The following ENTPD5 variants were observed in gnomAD, a reference collection of about 807,000 sequenced individuals.
ENTPD5 encodes ectonucleoside triphosphate diphosphohydrolase 5 (inactive), also known as nucleoside diphosphate phosphatase ENTPD5.
A neutral mutation model predicts 60.2 loss-of-function variants in ENTPD5; 49 were observed. The observed-to-expected ratio is 0.81, with a 90% confidence interval of 0.65 to 1.03. The LOEUF (loss-of-function observed/expected upper bound fraction) is 1.03, where lower values mean the gene tolerates loss of function less well. Among genes scored for constraint, ENTPD5 ranks in the 50% least tolerant of loss-of-function variants. The probability of loss-of-function intolerance (pLI) is 0.00; values close to 1 mark genes in which losing one functional copy is unlikely to be tolerated. For synonymous variants in ENTPD5, 187 were observed against 185.4 expected, an observed-to-expected ratio of 1.01 and a Z score of -0.07; for missense variants, 480 against 507.6, an observed-to-expected ratio of 0.95 and a Z score of 0.52.
rs147989709 is a variant in ENTPD5 at position 73,970,990 on chromosome 14, C to A, written c.1084+862G>T. Reference sequence around the variant, plus strand: ...ACAGGTCGAACCACTGTGCCTAGCTCTCTTGGTAGTTTTGATCCTCTCAAG... The same window carrying A: ...ACAGGTCGAACCACTGTGCCTAGCTATCTTGGTAGTTTTGATCCTCTCAAG... On this transcript the variant is annotated intron_variant, in intron 14 of 15. Coordinates refer to ENST00000334696, the MANE Select transcript of ENTPD5 (RefSeq NM_001249.5). Among the ~76,000 whole-genome samples the A allele has an allele frequency of 6.5e-3, 984 of 151,766 alleles. 6 individuals carry two copies. Among genetic ancestry groups the A allele is most frequent in the African/African-American group, 0.023 (945 of 41,364 alleles).
intron 3 of ENTPD5, among the ~76,000 whole-genome samples, chr14:73,992,918 G>T (rs1281570927): frequency 6.6e-6 from 1 of 152,054 alleles, no homozygotes; most frequent in Non-Finnish European, 1.5e-5. Flanking sequence ...TACGAGAATC[G>T]CTTGAACCTG....
At chr14:73,998,034 C>T (rs1465240967) in intron 3 of ENTPD5, among the ~76,000 whole-genome samples, 1 of 152,068 alleles carries the variant, frequency 6.6e-6, no homozygotes, top group Non-Finnish European at 1.5e-5. Flanking sequence ...ATTCATTTGG[C>T]CATGTGTTAC....
intron 14 of ENTPD5, 92 bp from the exon 15 acceptor site, chr14:73,970,217 C>G (rs556942382): frequency 1.2e-6 from 1 of 860,322 alleles, no homozygotes; most frequent in African/African-American, 1.7e-5. Context: ...AGGGGCCAGG[C>G]GCGGTGGCTC....
In ENTPD5 at chr14:73,976,414, T is replaced by G. The variant is rs1255167657; in HGVS notation, c.554-2A>C. 1 of 1,613,564 alleles carries G rather than the reference T, an allele frequency of 6.2e-7. No individual in the cohort carries two copies. The highest frequency in any genetic ancestry group is 8.5e-7 in the Non-Finnish European group (1 of 1,179,604). On this transcript the variant is annotated splice_acceptor_variant, in intron 8 of 15. Coordinates refer to ENST00000334696, the MANE Select transcript of ENTPD5 (RefSeq NM_001249.5). LOFTEE classifies it high-confidence loss of function. ...CCTGTCTGTGGCCATGCAGCTGACCTGTCAAATGAGAGCCAGCTCTAAATA... is the reference window on the plus strand; with the variant it reads ...CCTGTCTGTGGCCATGCAGCTGACCGGTCAAATGAGAGCCAGCTCTAAATA...
chr14:74,007,242 C>G (rs1013039027), intron 3 of ENTPD5, among the ~76,000 whole-genome samples: 2 of 152,254 alleles, frequency 1.3e-5, no homozygotes, highest in South Asian at 4.1e-4. Flanking sequence ...TTAGGTATGG[C>G]CGGGCGCGGT....
intron 3 of ENTPD5, among the ~76,000 whole-genome samples, chr14:73,993,379 TA>T (rs958668302): frequency 2.0e-5 from 3 of 152,186 alleles, no homozygotes; most frequent in African/African-American, 7.2e-5. Context: ...TCTTAGGTAC[TA>T]CCAAAGCAGA....
chr14:73,962,993 C>G, downstream of ENTPD5: 1 of 1,608,010 alleles, frequency 6.2e-7, no homozygotes. Flanking sequence ...CCTTTGCAAG[C>G]AAATGAGTAC....
chr14:73,956,938 A>G (rs1021036622), downstream of ENTPD5: 3 of 152,134 alleles, frequency 2.0e-5, no homozygotes, highest in Non-Finnish European at 4.4e-5. Context: ...GGGTCATATG[A>G]TCACACTTGT....
chr14:74,015,525 G>T (rs538972490), intron 2 of ENTPD5, among the ~76,000 whole-genome samples: 1 of 151,814 alleles, frequency 6.6e-6, no homozygotes, highest in African/African-American at 2.4e-5. Flanking sequence ...GCTAATTTTT[G>T]TATTTTTTGT....
chr14:73,956,149 C>T (rs879446914), downstream of ENTPD5: 3 of 469,286 alleles, frequency 6.4e-6, no homozygotes, highest in African/African-American at 6.0e-5. Flanking sequence ...ATGGTGAAAC[C>T]CTGTCTCTAC....
intron 6 of ENTPD5, among the ~76,000 whole-genome samples, chr14:73,981,522 C>A (rs945675972): frequency 6.6e-6 from 1 of 150,424 alleles, no homozygotes; most frequent in East Asian, 2.0e-4. Flanking sequence ...CTTCACCAGG[C>A]GTGGTGGCTC....
chr14:73,959,053 T>C (rs776276997), downstream of ENTPD5: 1 of 1,614,216 alleles, frequency 6.2e-7, no homozygotes, highest in African/African-American at 1.3e-5. Flanking sequence ...CAGTCTGCTG[T>C]TGTGGCTACT....
chr14:73,978,779 G>A (rs370483144), intron 6 of ENTPD5, among the ~76,000 whole-genome samples: 3 of 151,470 alleles, frequency 2.0e-5, no homozygotes, highest in East Asian at 1.9e-4. Context: ...GCATGATGGC[G>A]CATGCCTGTA....
downstream of ENTPD5, chr14:73,958,814 G>C: frequency 1.3e-6 from 2 of 1,526,760 alleles, no homozygotes; most frequent in Non-Finnish European, 8.8e-7. Flanking sequence ...GACAGTGCAG[G>C]GGCTCCACCT....
At chr14:73,988,270 C>T (rs2057987667) in intron 3 of ENTPD5, 98 bp from the exon 4 acceptor site, 1 of 1,172,752 alleles carries the variant, frequency 8.5e-7, no homozygotes, top group Admixed American at 2.9e-5. Context: ...TGTTCCTTCC[C>T]TATTCTAATA....
chr14:74,006,674 C>T (rs533885801), intron 3 of ENTPD5, among the ~76,000 whole-genome samples: 47 of 151,828 alleles, frequency 3.1e-4, no homozygotes, highest in African/African-American at 1.1e-3. Flanking sequence ...CAACCTTCAC[C>T]TCCTGAGCTC....
chr14:73,963,077 T>C (rs2056828700), downstream of ENTPD5: 1 of 1,180,564 alleles, frequency 8.5e-7, no homozygotes, highest in Non-Finnish European at 1.3e-6. Context: ...ATTTTCAAGA[T>C]CTTATTTAAT....
Position 73,966,875 on chromosome 14 carries a change from CCT to C in ENTPD5, c.*51_*52del. On this transcript the variant is annotated 3_prime_UTR_variant, in exon 16 of 16. Coordinates refer to ENST00000334696, the MANE Select transcript of ENTPD5 (RefSeq NM_001249.5). ...CTAGTTCAGAAACTAAGTGCTCTCTCCTCCCCTTAAAAAGGTGTTGGCAAATG... is the reference window on the plus strand; with the variant it reads ...CTAGTTCAGAAACTAAGTGCTCTCTCCCCCTTAAAAAGGTGTTGGCAAATG... 7.3e-7 allele frequency: 1 copy of C among 1,362,582 alleles called. No individual in the cohort carries two copies. The highest frequency in any genetic ancestry group is 1.1e-6 in the Non-Finnish European group (1 of 952,336). 84.4% of individuals were successfully genotyped at this position (1,362,582 alleles called of 1,614,324 possible). A position where few individuals can be genotyped will look rare whatever the true frequency, so the allele number is the denominator to read the frequency against.
At chr14:73,989,962 G>A (rs992418320) in intron 3 of ENTPD5, among the ~76,000 whole-genome samples, 1 of 151,544 alleles carries the variant, frequency 6.6e-6, no homozygotes, top group Non-Finnish European at 1.5e-5. Context: ...AGCAGACATC[G>A]CCCCACTACA....
Sources: gnomAD v4.1 joint callset for allele counts (sites outside exome capture counted in the v4.1 genomes callset) on GRCh38, gnomAD v4.1.1 for gene constraint, MANE v1.5 for transcripts, NCBI Gene and HGNC (gene_info 2026-07-23, HGNC 2026-07-21) for gene names.